The following SNX18 variants were observed in gnomAD, a reference collection of about 807,000 sequenced individuals.
SNX18 encodes the protein sorting nexin 18.
A neutral mutation model predicts 48.7 loss-of-function variants in SNX18; 35 were observed. The ratio of observed to expected loss-of-function variants is 0.72; its 90% CI spans 0.55 to 0.95. The LOEUF (loss-of-function observed/expected upper bound fraction) is 0.95. Among genes scored for constraint, SNX18 ranks in the 40% least tolerant of loss-of-function variants. SNX18 has a pLI of 0.00. For missense variants in SNX18, 824 were observed against 871.0 expected, an observed-to-expected ratio of 0.95 and a Z score of 0.68; for synonymous variants, 492 against 384.7, an observed-to-expected ratio of 1.28 and a Z score of -3.26.
At chr5:54,632,482 C>T in the SNX18 span, among the ~76,000 whole-genome samples, 1 of 152,188 alleles carries the variant, frequency 6.6e-6, no homozygotes, top group Non-Finnish European at 1.5e-5. Context: ...ACAGTCAAAT[C>T]ACAGTCTCCC....
chr5:54,570,709 A>C, the SNX18 span, among the ~76,000 whole-genome samples: 3 of 152,202 alleles, frequency 2.0e-5, no homozygotes, highest in Non-Finnish European at 4.4e-5. Flanking sequence ...AGAACATACA[A>C]AGACTGATCC....
chr5:54,518,934 C>A lies in SNX18; in HGVS notation c.982C>A (p.Pro328Thr). 1 of 1,613,840 alleles carries A rather than the reference C, an allele frequency of 6.2e-7. No homozygotes were observed. The change falls in exon 1 of 2, where the codon CCG becomes ACG. Residue 328 changes from proline to threonine, a missense_variant. Pro to Thr is a conservative substitution (Grantham distance 38). Coordinates refer to ENST00000381410, the MANE Select transcript of SNX18 (RefSeq NM_001102575.2). ...WLYARLAEKF[P>T]VISVPHLPEK... is the part of the protein sequence containing the mutation. ...GTACGCGCGCCTGGCGGAGAAGTTC[C>A]CGGTCATCTCCGTGCCCCACCTGCC...
At chr5:54,611,375 G>A in the SNX18 span, among the ~76,000 whole-genome samples, 1 of 151,908 alleles carries the variant, frequency 6.6e-6, no homozygotes, top group South Asian at 2.1e-4. Flanking sequence ...CCTGTCTCCT[G>A]AACATGACTT....
At chr5:54,527,003 TG>T (rs1375273631) in intron 1 of SNX18, among the ~76,000 whole-genome samples, 7 of 151,746 alleles carry the variant, frequency 4.6e-5, no homozygotes, top group Non-Finnish European at 1.5e-5. Context: ...AGTAAGGCCC[TG>T]GGGTGGACAT....
chr5:54,542,499 A>G (rs1317366686), intron 1 of SNX18, among the ~76,000 whole-genome samples: 1 of 152,196 alleles, frequency 6.6e-6, no homozygotes, highest in Non-Finnish European at 1.5e-5. Context: ...TGTGTTCGCA[A>G]TTCACCCCTT....
the SNX18 span, among the ~76,000 whole-genome samples, chr5:54,605,269 C>T: frequency 6.6e-6 from 1 of 152,040 alleles, no homozygotes; most frequent in Admixed American, 6.6e-5. Flanking sequence ...AACATTTTAC[C>T]TGGGACTTAA....
chr5:54,517,888 G>GC lies in SNX18; in HGVS notation c.-61dup. On this transcript the variant is annotated 5_prime_UTR_variant, in exon 1 of 2. Transcript: ENST00000381410. Reference sequence around the variant, plus strand: ...CGCCAGGGCTCGAGCAGTACCGCGGGCCCCTCAGGTGGGCCTCGGCTCGGG... The same window carrying GC: ...CGCCAGGGCTCGAGCAGTACCGCGGGCCCCCTCAGGTGGGCCTCGGCTCGGG... 2.1e-6 allele frequency: 3 copies of GC among 1,423,588 alleles called. No homozygotes were observed. Among genetic ancestry groups the GC allele is most frequent in the Non-Finnish European group, 2.7e-6 (3 of 1,097,146 alleles). The allele number at this position is 1,423,588 out of a possible 1,614,324, so 88.2% of individuals were successfully genotyped here. A position where few individuals can be genotyped will look rare whatever the true frequency, so the allele number is the denominator to read the frequency against.
At chr5:54,631,542 C>T in the SNX18 span, among the ~76,000 whole-genome samples, 1 of 152,208 alleles carries the variant, frequency 6.6e-6, no homozygotes, top group African/African-American at 2.4e-5. Flanking sequence ...CTGTTATTCA[C>T]GTGACTTTTA....
At chr5:54,528,396 C>T (rs1274677583) in intron 1 of SNX18, among the ~76,000 whole-genome samples, 1 of 152,136 alleles carries the variant, frequency 6.6e-6, no homozygotes, top group Non-Finnish European at 1.5e-5. Context: ...GTAGATTTAA[C>T]TTAGTACTGC....
the SNX18 span, among the ~76,000 whole-genome samples, chr5:54,554,263 A>G: frequency 6.6e-6 from 1 of 152,112 alleles, no homozygotes; most frequent in East Asian, 1.9e-4. Flanking sequence ...CCCTGGCTTT[A>G]CCTTAGCATC....
In SNX18 at chr5:54,518,399, C is replaced by T. The variant is rs1287426299; in HGVS notation, c.447C>T (p.Gly149=). The change falls in exon 1 of 2, where the codon GGC becomes GGT. Residue 149 remains glycine, a synonymous_variant. Coordinates refer to ENST00000381410, the MANE Select transcript of SNX18 (RefSeq NM_001102575.2). The part of the protein sequence containing the change: ...QLYGGYQASQ[G]SDDDWDDEWD... ...ACGGCGGCTACCAGGCCAGCCAAGGCAGCGATGATGACTGGGACGACGAGT... is the reference window on the plus strand; with the variant it reads ...ACGGCGGCTACCAGGCCAGCCAAGGTAGCGATGATGACTGGGACGACGAGT... 6 of 1,583,976 alleles carry T rather than the reference C, an allele frequency of 3.8e-6. No individual in the cohort carries two copies. Among genetic ancestry groups the T allele is most frequent in the Non-Finnish European group, 5.1e-6 (6 of 1,166,138 alleles).
the SNX18 span, among the ~76,000 whole-genome samples, chr5:54,603,055 A>T: frequency 6.6e-6 from 1 of 152,242 alleles, no homozygotes; most frequent in East Asian, 1.9e-4. Context: ...TTATTTGGGC[A>T]TTCTTTAACT....
chr5:54,612,059 A>T, the SNX18 span, among the ~76,000 whole-genome samples: 2 of 151,968 alleles, frequency 1.3e-5, no homozygotes, highest in African/African-American at 2.4e-5. Flanking sequence ...TAAATTCTTT[A>T]ATGTAGAGAT....
intron 1 of SNX18, 106 bp from the exon 2 acceptor site, chr5:54,543,073 G>C: frequency 9.1e-7 from 1 of 1,101,416 alleles, no homozygotes; most frequent in Non-Finnish European, 1.3e-6. Flanking sequence ...ATTGAAAATA[G>C]TTTGGGCAAC....
intron 1 of SNX18, among the ~76,000 whole-genome samples, chr5:54,536,355 T>C (rs1465417089): frequency 6.6e-6 from 1 of 151,974 alleles, no homozygotes; most frequent in Non-Finnish European, 1.5e-5. Context: ...ACATTACGTA[T>C]ATCTCCTAAT....
intron 1 of SNX18, among the ~76,000 whole-genome samples, chr5:54,530,344 A>G (rs1320079174): frequency 6.6e-6 from 1 of 152,200 alleles, no homozygotes; most frequent in Admixed American, 6.5e-5. Context: ...AAGTGGTGTC[A>G]TCTCATTTGG....
At chr5:54,637,435 C>A in the SNX18 span, among the ~76,000 whole-genome samples, 1 of 152,058 alleles carries the variant, frequency 6.6e-6, no homozygotes, top group South Asian at 2.1e-4. Context: ...TTATTAGTGT[C>A]AATTTTATCA....
At chr5:54,585,556 T>C in the SNX18 span, among the ~76,000 whole-genome samples, 6 of 152,160 alleles carry the variant, frequency 3.9e-5, no homozygotes, top group African/African-American at 1.2e-4. Flanking sequence ...CTGAGTTAGA[T>C]GACCAGTGTG....
At chr5:54,526,596 A>G (rs1762135482) in intron 1 of SNX18, among the ~76,000 whole-genome samples, 1 of 152,188 alleles carries the variant, frequency 6.6e-6, no homozygotes, top group Admixed American at 6.5e-5. Flanking sequence ...AGATTTATTC[A>G]TAGGACCCTC....
Sources: gnomAD v4.1 joint callset for allele counts (sites outside exome capture counted in the v4.1 genomes callset) on GRCh38, gnomAD v4.1.1 for gene constraint, MANE v1.5 for transcripts, NCBI Gene and HGNC (gene_info 2026-07-23, HGNC 2026-07-21) for gene names.